Variants in CDC25C observed in about 807,000 individuals in gnomAD.
CDC25C encodes M-phase inducer phosphatase 3.
In CDC25C, 48 loss-of-function variants were observed where a neutral mutation model predicts 52.5. That is an observed-to-expected ratio of 0.91 (90% confidence interval 0.72 to 1.16). The LOEUF (loss-of-function observed/expected upper bound fraction) is 1.16, where lower values mean the gene tolerates loss of function less well. Ranked by LOEUF, CDC25C falls within the 50% of genes most tolerant of loss-of-function variation. The probability of loss-of-function intolerance (pLI) is 0.00; values close to 1 mark genes in which losing one functional copy is unlikely to be tolerated. For synonymous variants in CDC25C, 187 were observed against 206.5 expected (o/e 0.91, Z 0.81); for missense variants, 510 against 566.1 (o/e 0.90, Z 1.01).
intron 7 of CDC25C, among the ~76,000 whole-genome samples, chr5:138,301,795 C>T (rs1337552208): frequency 2.6e-5 from 4 of 151,294 alleles, no homozygotes; most frequent in Non-Finnish European, 5.9e-5. Flanking sequence ...CCTCTGCCTC[C>T]TGGGTTCAAG....
chr5:138,285,395 C>T lies in CDC25C; in HGVS notation c.*297G>A, dbSNP rs1260663946. ...CCGAAGCCCAGAGAGAAAGAGTTGG[C>T]TGGCTTGTGAGAAGACATGAGGAGT... is the stretch of plus-strand genomic sequence containing the variant. On this transcript the variant is annotated 3_prime_UTR_variant, in exon 14 of 14. Coordinates refer to ENST00000323760, the MANE Select transcript of CDC25C (RefSeq NM_001790.5). 2 of 311,114 alleles carry T rather than the reference C, an allele frequency of 6.4e-6. No homozygotes were observed. Among genetic ancestry groups the T allele is most frequent in the Non-Finnish European group, 1.2e-5 (2 of 169,344 alleles). The allele number at this position is 311,114 out of a possible 1,614,324, so 19.3% of individuals were successfully genotyped here.
chr5:138,327,166 A>G (rs7722311), intron 4 of CDC25C, among the ~76,000 whole-genome samples: 21,666 of 151,444 alleles, frequency 0.14, 1,842 homozygotes, highest in South Asian at 0.25. Flanking sequence ...GAGGCAGGAG[A>G]ATCACTTGAA....
At chr5:138,325,739 G>T in intron 6 of CDC25C, 76 bp downstream of exon 6, 1 of 968,650 alleles carries the variant, frequency 1.0e-6, no homozygotes, top group Non-Finnish European at 1.6e-6. Context: ...ACAGTTCTAT[G>T]TCTCATTATG....
At chr5:138,331,932 C>T (rs1760427441), upstream of CDC25C, 1 of 980,906 alleles carries the variant, frequency 1.0e-6, no homozygotes, top group African/African-American at 1.7e-5. Context: ...TCGTTGGGCT[C>T]GCAGATCACC....
chr5:138,287,518 A>G (rs1183539761), intron 10 of CDC25C, among the ~76,000 whole-genome samples: 2 of 152,188 alleles, frequency 1.3e-5, no homozygotes, highest in East Asian at 3.8e-4. Context: ...TATTCAGGCT[A>G]CCCATCTGGG....
At position 138,285,898 on chromosome 5, in the gene CDC25C, A is replaced by T. The variant is rs571349345; in HGVS notation, c.1273-57T>A. On this transcript the variant is annotated intron_variant, in intron 13 of 13. Coordinates refer to ENST00000323760, the MANE Select transcript of CDC25C (RefSeq NM_001790.5). ...CTAGACTCCTGAACTCTACCTATGAAGGATAATAGAGATGCTGCTGCTGGC... is the reference window on the plus strand; with the variant it reads ...CTAGACTCCTGAACTCTACCTATGATGGATAATAGAGATGCTGCTGCTGGC... 8.8e-6 allele frequency: 14 copies of T among 1,584,350 alleles called. No individual in the cohort carries two copies. The Admixed American group carries it at 2.4e-4, about 27-fold the overall frequency.
At chr5:138,290,837 C>A in intron 8 of CDC25C, 97 bp from the exon 9 acceptor site, 1 of 758,772 alleles carries the variant, frequency 1.3e-6, no homozygotes, top group South Asian at 1.5e-5. Context: ...CATCTGTAAT[C>A]CTAGCTACAT....
At chr5:138,321,750 C>CAAAAAAAAAAAAAA (rs531353746) in intron 6 of CDC25C, among the ~76,000 whole-genome samples, 1 of 47,172 alleles carries the variant, frequency 2.1e-5, no homozygotes. Context: ...GACTCTGTCT[C>CAAAAAAAAAAAAAA]AAAAAAAAAA....
intron 7 of CDC25C, among the ~76,000 whole-genome samples, chr5:138,293,649 C>CTT (rs1217960715): frequency 8.0e-5 from 11 of 138,332 alleles, no homozygotes; most frequent in Non-Finnish European, 8.0e-5. Flanking sequence ...TGAAACTTAT[C>CTT]TTTTTTTTTT....
chr5:138,297,962 C>T (rs1054240131), intron 7 of CDC25C, among the ~76,000 whole-genome samples: 1 of 151,248 alleles, frequency 6.6e-6, no homozygotes, highest in African/African-American at 2.4e-5. Context: ...GTGAGAATAA[C>T]AAGGCAGCCA....
chr5:138,309,050 TG>T (rs1361190385), intron 7 of CDC25C, among the ~76,000 whole-genome samples: 2 of 152,114 alleles, frequency 1.3e-5, no homozygotes, highest in Admixed American at 6.6e-5. Context: ...TGTTATTGCG[TG>T]GCCCTCATTT....
chr5:138,308,689 T>C (rs903591586), intron 7 of CDC25C, among the ~76,000 whole-genome samples: 1 of 152,138 alleles, frequency 6.6e-6, no homozygotes, highest in Admixed American at 6.6e-5. Flanking sequence ...CTTCTTCAGA[T>C]TGTATCTTGG....
chr5:138,294,024 ATT>A (rs36022580), intron 7 of CDC25C, among the ~76,000 whole-genome samples: 14 of 125,932 alleles, frequency 1.1e-4, no homozygotes, highest in Middle Eastern at 4.4e-3. Flanking sequence ...TTTTCTTTGG[ATT>A]TTTTTTTTTT....
At chr5:138,299,204 A>AAAG (rs1757449437) in intron 7 of CDC25C, among the ~76,000 whole-genome samples, 1 of 146,392 alleles carries the variant, frequency 6.8e-6, no homozygotes, top group Non-Finnish European at 1.5e-5. Context: ...AAAAAAAAAA[A>AAAG]AAAAAAAAAG....
intron 7 of CDC25C, among the ~76,000 whole-genome samples, chr5:138,314,603 C>CTT (rs907033621): frequency 9.9e-4 from 114 of 114,684 alleles, no homozygotes; most frequent in South Asian, 2.3e-3. Context: ...GCCTATAGCA[C>CTT]TTTTTTTTTT....
intron 4 of CDC25C, 74 bp from the exon 5 acceptor site, chr5:138,326,128 T>G: frequency 6.7e-7 from 1 of 1,489,704 alleles, no homozygotes; most frequent in South Asian, 1.1e-5. Flanking sequence ...GATTGGTGCA[T>G]CCCAACATTT....
chr5:138,298,084 G>A (rs901471379), intron 7 of CDC25C, among the ~76,000 whole-genome samples: 7 of 150,440 alleles, frequency 4.7e-5, no homozygotes, highest in East Asian at 2.0e-4. Flanking sequence ...CTGCAATCTC[G>A]ACATCCCAGG....
At chr5:138,303,675 T>C (rs1218394228) in intron 7 of CDC25C, among the ~76,000 whole-genome samples, 2 of 152,194 alleles carry the variant, frequency 1.3e-5, no homozygotes, top group Admixed American at 1.3e-4. Flanking sequence ...TCCTCTGACC[T>C]ATGCAACCTA....
At chr5:138,295,507 G>C (rs1446586450) in intron 7 of CDC25C, among the ~76,000 whole-genome samples, 1 of 152,008 alleles carries the variant, frequency 6.6e-6, no homozygotes, top group East Asian at 1.9e-4. Flanking sequence ...CAGCTACTTG[G>C]GAGGCTGAAG....
Sources: allele counts gnomAD v4.1 joint callset (sites outside exome capture counted in the v4.1 genomes callset), GRCh38; gene constraint gnomAD v4.1.1; transcripts MANE v1.5; gene names NCBI Gene and HGNC (gene_info 2026-07-23, HGNC 2026-07-21).